TSPAN18: variants seen among roughly 807,000 people sequenced by gnomAD.
The protein encoded by TSPAN18 is tetraspanin 18.
A neutral mutation model predicts 27.3 loss-of-function variants in TSPAN18; 14 were observed. The ratio of observed to expected loss-of-function variants is 0.51; its 90% CI spans 0.34 to 0.80. The LOEUF (loss-of-function observed/expected upper bound fraction) is 0.80. Among genes scored for constraint, TSPAN18 ranks in the 30% least tolerant of loss-of-function variants. The pLI, the probability that TSPAN18 is intolerant of heterozygous loss-of-function variation, is 0.01. For synonymous variants in TSPAN18, 143 were observed against 136.5 expected (o/e 1.05, Z -0.33); for missense variants, 268 against 323.9 (o/e 0.83, Z 1.32).
At chr11:44,784,996 G>A (rs998464487) in intron 2 of TSPAN18, among the ~76,000 whole-genome samples, 8 of 152,172 alleles carry the variant, frequency 5.3e-5, no homozygotes, top group African/African-American at 1.9e-4. Context: ...GTATCATTAA[G>A]AATATCTATG....
chr11:44,789,614 C>CT (rs1261740500), intron 2 of TSPAN18, among the ~76,000 whole-genome samples: 2 of 152,056 alleles, frequency 1.3e-5, no homozygotes, highest in African/African-American at 4.8e-5. Context: ...GAGGTGAGCT[C>CT]TTGAGGAGGC....
In TSPAN18 at chr11:44,827,042, C is replaced by T. The variant is rs187030078; in HGVS notation, c.-152-33286C>T. 1.1e-4 allele frequency among the ~76,000 whole-genome samples: 17 copies of T among 152,328 alleles called. No homozygotes were observed. In the East Asian group the frequency reaches 2.5e-3, roughly 23 times the overall value. On this transcript the variant is annotated intron_variant, in intron 2 of 9. Transcript: ENST00000520358. ...GCCAAACCAAGAGCCTTTTAGCTCA[C>T]GAGGGCCCTGACTGGATGTCTGGCC...
chr11:44,775,281 C>G (rs1435355766), intron 2 of TSPAN18, among the ~76,000 whole-genome samples: 1 of 152,190 alleles, frequency 6.6e-6, no homozygotes, highest in Non-Finnish European at 1.5e-5. Context: ...ATCTGAAATT[C>G]ACACTTCACT....
chr11:44,870,354 G>A (rs1376303607), intron 3 of TSPAN18, among the ~76,000 whole-genome samples: 1 of 152,080 alleles, frequency 6.6e-6, no homozygotes, highest in South Asian at 2.1e-4. Context: ...ATGTGTGGAG[G>A]TGGGTGGAGC....
chr11:44,821,813 A>G (rs1856934690), intron 2 of TSPAN18, among the ~76,000 whole-genome samples: 1 of 152,246 alleles, frequency 6.6e-6, no homozygotes. Context: ...TCAAGGTAGT[A>G]GAAAGAGTCA....
chr11:44,860,735 T>G (rs552699579), intron 3 of TSPAN18, among the ~76,000 whole-genome samples: 21 of 152,088 alleles, frequency 1.4e-4, no homozygotes, highest in African/African-American at 4.6e-4. Flanking sequence ...AAGGCTGAGG[T>G]GCAGGCTAGC....
chr11:44,778,120 TA>T (rs1157691324), intron 2 of TSPAN18, among the ~76,000 whole-genome samples: 1 of 150,586 alleles, frequency 6.6e-6, no homozygotes, highest in Admixed American at 6.6e-5. Flanking sequence ...AAGAAGGAGG[TA>T]GAACTAGAAA....
At chr11:44,926,364 C>G (rs997587110) in intron 8 of TSPAN18, 1 of 306,834 alleles carries the variant, frequency 3.3e-6, no homozygotes, top group African/African-American at 2.2e-5. Context: ...GCAGGAAGTC[C>G]AAATATTTAT....
intron 2 of TSPAN18, among the ~76,000 whole-genome samples, chr11:44,824,690 C>G (rs751194100): frequency 6.6e-6 from 1 of 152,202 alleles, no homozygotes; most frequent in African/African-American, 2.4e-5. Flanking sequence ...ATCCCAGCCG[C>G]GGAGGCCTTC....
intron 5 of TSPAN18, among the ~76,000 whole-genome samples, chr11:44,910,853 G>T (rs1255768563): frequency 6.6e-6 from 1 of 152,220 alleles, no homozygotes. Flanking sequence ...CCTGGTTTGA[G>T]GGTACTCCCT....
intron 2 of TSPAN18, among the ~76,000 whole-genome samples, chr11:44,787,917 G>A (rs767011742): frequency 1.2e-4 from 14 of 117,224 alleles, no homozygotes; most frequent in African/African-American, 6.1e-4. Context: ...TTACAACACA[G>A]GCAGACAGTC....
chr11:44,868,765 G>A (rs866947598), intron 3 of TSPAN18, among the ~76,000 whole-genome samples: 22 of 152,342 alleles, frequency 1.4e-4, no homozygotes, highest in Middle Eastern at 3.4e-3. Flanking sequence ...GAGGGGGAAG[G>A]TGGAGCGCCC....
At chr11:44,903,512 T>G (rs1165727507) in intron 3 of TSPAN18, 1 of 456,520 alleles carries the variant, frequency 2.2e-6, no homozygotes, top group Non-Finnish European at 4.4e-6. Context: ...TGGTGACATG[T>G]GCTTTCTGGA....
At chr11:44,923,830 A>AC (rs202059585) in intron 8 of TSPAN18, among the ~76,000 whole-genome samples, 39,927 of 151,760 alleles carry the variant, frequency 0.26, 7,268 homozygotes, top group African/African-American at 0.52. Flanking sequence ...TCCATGCCCC[A>AC]ACCTCCCCAG....
chr11:44,886,876 A>G (rs1366525026), intron 3 of TSPAN18, among the ~76,000 whole-genome samples: 22 of 152,102 alleles, frequency 1.4e-4, no homozygotes, highest in Admixed American at 1.4e-3. Context: ...TGTGTGTGTG[A>G]TCTGCATCCA....
chr11:44,807,684 T>G (rs187457384), intron 2 of TSPAN18, among the ~76,000 whole-genome samples: 1 of 152,224 alleles, frequency 6.6e-6, no homozygotes, highest in East Asian at 1.9e-4. Context: ...GTTGAGTGGA[T>G]TAGAGACTTT....
chr11:44,744,157 C>T (rs1242628484), intron 1 of TSPAN18, among the ~76,000 whole-genome samples: 6 of 152,116 alleles, frequency 3.9e-5, no homozygotes, highest in Non-Finnish European at 7.4e-5. Context: ...CTGCTGGAAA[C>T]ACCTCCACAG....
At chr11:44,799,497 C>T (rs1441321868) in intron 2 of TSPAN18, among the ~76,000 whole-genome samples, 1 of 152,210 alleles carries the variant, frequency 6.6e-6, no homozygotes, top group Non-Finnish European at 1.5e-5. Flanking sequence ...TGTTAGCCCT[C>T]CAAGTAAGGG....
chr11:44,726,864 G>A (rs889818693), upstream of TSPAN18: 2 of 32,484 alleles, frequency 6.2e-5, no homozygotes, highest in Non-Finnish European at 1.8e-4. Context: ...ACGGCGTCTG[G>A]AGCCGGGAGG....
Sources: allele counts gnomAD v4.1 joint callset (sites outside exome capture counted in the v4.1 genomes callset), GRCh38; gene constraint gnomAD v4.1.1; transcripts MANE v1.5; gene names NCBI Gene and HGNC (gene_info 2026-07-23, HGNC 2026-07-21).